SLIT3: variants seen among roughly 807,000 people sequenced by gnomAD.
SLIT3 encodes the protein slit guidance ligand 3.
Under a neutral mutation model 184.0 loss-of-function variants are expected in SLIT3, and 68 were observed. That is an observed-to-expected ratio of 0.37 (90% CI 0.30 to 0.45). The LOEUF (loss-of-function observed/expected upper bound fraction) is 0.45. Among genes scored for constraint, SLIT3 ranks in the 20% least tolerant of loss-of-function variants. SLIT3 has a pLI of 1.00. For missense variants in SLIT3, 1,707 were observed against 2,026.0 expected, an observed-to-expected ratio of 0.84 and a Z score of 3.02; for synonymous variants, 831 against 828.6, an observed-to-expected ratio of 1.00 and a Z score of -0.05.
At chr5:168,735,668 AC>A in intron 20 of SLIT3, among the ~76,000 whole-genome samples, 1 of 83,544 alleles carries the variant, frequency 1.2e-5, no homozygotes, top group Non-Finnish European at 2.7e-5. Context: ...AGATACACAC[AC>A]ACACACACAC....
chr5:169,092,291 G>C (rs1003322484), intron 4 of SLIT3, among the ~76,000 whole-genome samples: 36 of 152,350 alleles, frequency 2.4e-4, no homozygotes, highest in Admixed American at 2.0e-3. Context: ...GAGTGAAGGA[G>C]AGGAGCTGTG....
intron 6 of SLIT3, among the ~76,000 whole-genome samples, chr5:168,835,915 C>A (rs148363166): frequency 7.3e-4 from 111 of 152,310 alleles, no homozygotes; most frequent in African/African-American, 2.5e-3. Flanking sequence ...AATGCCCCTG[C>A]CTTGGCATTG....
chr5:168,982,352 C>G (rs771596963), intron 4 of SLIT3, among the ~76,000 whole-genome samples: 7 of 152,144 alleles, frequency 4.6e-5, no homozygotes, highest in Non-Finnish European at 1.0e-4. Context: ...ACACTCAGCT[C>G]TCTCTCCATG....
intron 4 of SLIT3, among the ~76,000 whole-genome samples, chr5:169,008,824 T>C (rs932517175): frequency 6.6e-6 from 1 of 152,300 alleles, no homozygotes; most frequent in Non-Finnish European, 1.5e-5. Flanking sequence ...CTGAAAGCAA[T>C]AATAGCAAAC....
At chr5:169,121,158 C>G (rs545545533) in intron 4 of SLIT3, among the ~76,000 whole-genome samples, 2 of 152,192 alleles carry the variant, frequency 1.3e-5, no homozygotes, top group Non-Finnish European at 2.9e-5. Flanking sequence ...TATGGTCATT[C>G]TCATGAACCA....
chr5:168,669,798 CGCCGCTAAAGCCGGGCTG>C lies in SLIT3; in HGVS notation c.4303_4320del (p.Gln1435_Gly1440del). 1.2e-6 allele frequency: 2 copies of C among 1,613,586 alleles called. No homozygotes were observed. Among genetic ancestry groups the C allele is most frequent in the Non-Finnish European group, 1.7e-6 (2 of 1,180,018 alleles). On this transcript the variant is annotated inframe_deletion, in exon 35 of 36. Coordinates refer to ENST00000519560, the MANE Select transcript of SLIT3 (RefSeq NM_003062.4). ...GTAGACCCACCTTGTTGGCAGTGCT[CGCCGCTAAAGCCGGGCTG>C]GCACAGGCAGTAGGGCTCCCCTTGG...
At chr5:169,251,505 T>C (rs1765773864) in intron 1 of SLIT3, 46 bp from the exon 2 acceptor site, 2 of 1,290,162 alleles carry the variant, frequency 1.6e-6, no homozygotes, top group East Asian at 2.3e-5. Flanking sequence ...GGGTTACAAT[T>C]ACGGTCTATT....
At position 168,844,638 on chromosome 5, in the gene SLIT3, TG is replaced by T; in HGVS notation, c.502del (p.His168ThrfsTer81). Reference sequence around the variant, plus strand: ...GGCTCCATCTTCAATGCAGCTGATGTGGTTGTTGTCCAGTTGCCTGTGGAAA... The same window carrying T: ...GGCTCCATCTTCAATGCAGCTGATGTGTTGTTGTCCAGTTGCCTGTGGAAA... ...DVKNLQLDNN[H>X]ISCIEDGAFR... On this transcript the variant is annotated frameshift_variant, in exon 6 of 36. Coordinates refer to ENST00000519560, the MANE Select transcript of SLIT3 (RefSeq NM_003062.4). LOFTEE classifies it high-confidence loss of function. The T allele has an allele frequency of 6.2e-7, 1 of 1,614,140 alleles. No homozygotes were observed. The highest frequency in any genetic ancestry group is 8.5e-7 in the Non-Finnish European group (1 of 1,180,014).
At chr5:168,797,161 A>G (rs767693642) in intron 9 of SLIT3, among the ~76,000 whole-genome samples, 9 of 152,146 alleles carry the variant, frequency 5.9e-5, no homozygotes, top group Non-Finnish European at 1.2e-4. Flanking sequence ...ACTGTGGGCT[A>G]CTGGATACAG....
intron 4 of SLIT3, among the ~76,000 whole-genome samples, chr5:169,057,391 G>A (rs1241324053): frequency 6.6e-6 from 1 of 152,174 alleles, no homozygotes; most frequent in Non-Finnish European, 1.5e-5. Flanking sequence ...CTGGAAGCCC[G>A]CTTTGCTTAG....
At chr5:168,992,222 C>G (rs896831240) in intron 4 of SLIT3, among the ~76,000 whole-genome samples, 1 of 152,172 alleles carries the variant, frequency 6.6e-6, no homozygotes, top group Non-Finnish European at 1.5e-5. Flanking sequence ...ACACTTCATA[C>G]GGGCTGGTGA....
chr5:168,982,110 T>G (rs1421821576), intron 4 of SLIT3, among the ~76,000 whole-genome samples: 1 of 152,202 alleles, frequency 6.6e-6, no homozygotes, highest in Non-Finnish European at 1.5e-5. Context: ...ATTCTGATAT[T>G]TTTTGAAATG....
chr5:168,924,788 C>G (rs149205872), intron 4 of SLIT3, among the ~76,000 whole-genome samples: 1 of 152,182 alleles, frequency 6.6e-6, no homozygotes. Flanking sequence ...ATTAGGATTA[C>G]AGGCGTGAGC....
rs1381146321 is a variant in SLIT3 at position 168,746,409 on chromosome 5, GT to G, written c.2270+1892del. Among the ~76,000 whole-genome samples, 461 of 135,318 alleles carry G rather than the reference GT, an allele frequency of 3.4e-3. 10 individuals carry two copies. Among genetic ancestry groups the G allele is most frequent in the Non-Finnish European group, 3.8e-3 (236 of 62,086 alleles). 88.8% of individuals were successfully genotyped at this position (135,318 alleles called of 152,430 possible). ...GTGGGTGTGTGGTGTCTGGTGGTGT[GT>G]AGTGTGTGAGTGTGGTGGTGTGTGG... On this transcript the variant is annotated intron_variant, in intron 20 of 35. Coordinates refer to ENST00000519560, the MANE Select transcript of SLIT3 (RefSeq NM_003062.4).
chr5:168,819,573 A>ATG (rs1385238009), intron 7 of SLIT3, among the ~76,000 whole-genome samples: 1 of 152,224 alleles, frequency 6.6e-6, no homozygotes, highest in Non-Finnish European at 1.5e-5. Context: ...GCCAAGGAGC[A>ATG]TGTGTGCATG....
intron 14 of SLIT3, among the ~76,000 whole-genome samples, chr5:168,763,948 G>C (rs1755244307): frequency 6.6e-6 from 1 of 152,196 alleles, no homozygotes; most frequent in African/African-American, 2.4e-5. Flanking sequence ...ACTAGGTGAG[G>C]CAACTTGGTG....
At chr5:168,864,584 A>G (rs1759231343) in intron 5 of SLIT3, among the ~76,000 whole-genome samples, 1 of 152,168 alleles carries the variant, frequency 6.6e-6, no homozygotes, top group African/African-American at 2.4e-5. Flanking sequence ...AGGGGGTTAT[A>G]CCAATTGGCA....
At chr5:169,103,805 C>T (rs1343299904) in intron 4 of SLIT3, among the ~76,000 whole-genome samples, 1 of 152,154 alleles carries the variant, frequency 6.6e-6, no homozygotes, top group Non-Finnish European at 1.5e-5. Flanking sequence ...CGCCACCCTG[C>T]TCAGAAGCTT....
chr5:169,258,462 G>GC (rs973373091), intron 1 of SLIT3, among the ~76,000 whole-genome samples: 1 of 152,198 alleles, frequency 6.6e-6, no homozygotes, highest in African/African-American at 2.4e-5. Context: ...AAGTGGCTGA[G>GC]CCCCTCTGCA....
Sources: allele counts gnomAD v4.1 joint callset (sites outside exome capture counted in the v4.1 genomes callset), GRCh38; gene constraint gnomAD v4.1.1; transcripts MANE v1.5; gene names NCBI Gene and HGNC (gene_info 2026-07-23, HGNC 2026-07-21).